SCAPER: variants seen among roughly 807,000 people sequenced by gnomAD.
SCAPER encodes S-phase cyclin A associated protein in the ER.
In SCAPER, 98 loss-of-function variants were observed where a neutral mutation model predicts 182.2. The observed-to-expected ratio is 0.54, with a 90% CI of 0.46 to 0.64. The LOEUF is 0.64. Ranked by LOEUF, SCAPER falls within the 30% of genes least tolerant of loss-of-function variation. The pLI is 0.00. For synonymous variants in SCAPER, 605 were observed against 564.6 expected (o/e 1.07, Z -1.01); for missense variants, 1,432 against 1,690.0 (o/e 0.85, Z 2.68).
chr15:76,526,949 G>A (rs1211440596), intron 23 of SCAPER, among the ~76,000 whole-genome samples: 1 of 151,686 alleles, frequency 6.6e-6, no homozygotes, highest in Non-Finnish European at 1.5e-5. Flanking sequence ...TTGGCTCACT[G>A]CAACCTCTAC....
Position 76,652,518 on chromosome 15 carries a change from T to TACACACACAC in SCAPER, c.2645+13125_2645+13134dup, listed in dbSNP as rs71143350. Among the ~76,000 whole-genome samples the TACACACACAC allele has an allele frequency of 3.6e-3, 317 of 88,906 alleles. 1 individual carries two copies. Among genetic ancestry groups the TACACACACAC allele is most frequent in the Middle Eastern group, 0.032 (5 of 156 alleles). 58.3% of individuals were successfully genotyped at this position (88,906 alleles called of 152,430 possible). On this transcript the variant is annotated intron_variant, in intron 21 of 31. Coordinates refer to ENST00000563290, the MANE Select transcript of SCAPER (RefSeq NM_020843.4). ...ATATATATATATATATTTACATACA[T>TACACACACAC]ACACACACACACACACACACACACA...
chr15:76,409,035 A>G (rs1318613310), intron 26 of SCAPER, among the ~76,000 whole-genome samples: 1 of 152,168 alleles, frequency 6.6e-6, no homozygotes, highest in Non-Finnish European at 1.5e-5. Context: ...TTACTGGGCC[A>G]TCTACAGTGC....
intron 21 of SCAPER, among the ~76,000 whole-genome samples, chr15:76,663,690 C>T (rs2056362143): frequency 1.3e-5 from 2 of 151,896 alleles, no homozygotes; most frequent in Admixed American, 1.3e-4. Flanking sequence ...CCAGCGGTTG[C>T]CTCAGGCCAG....
Position 76,351,252 on chromosome 15 carries a change from G to A in SCAPER, c.4084C>T (p.Pro1362Ser), listed in dbSNP as rs1460910968. ...AQTPGQAENQ[P>S]YQPKGKCLGS... ...AGAGACATACCTTTGGGTTGGTAAG[G>A]CTGGTTTTCCGCTTGACCTGGAGTC... Residue 1362 changes from proline (P) to serine (S), a missense_variant, in exon 31 of 32, where the codon CCT becomes TCT. Coordinates refer to ENST00000563290, the MANE Select transcript of SCAPER (RefSeq NM_020843.4). 1 of 1,610,328 alleles carries A rather than the reference G, an allele frequency of 6.2e-7. No individual in the cohort carries two copies. The highest frequency in any genetic ancestry group is 8.5e-7 in the Non-Finnish European group (1 of 1,178,202).
intron 23 of SCAPER, among the ~76,000 whole-genome samples, chr15:76,545,561 C>T (rs376332873): frequency 3.0e-4 from 46 of 152,038 alleles, no homozygotes; most frequent in African/African-American, 2.7e-4. Flanking sequence ...ATGTCAATAA[C>T]GAGAACCCTG....
At chr15:76,833,182 G>T (rs137886254) in intron 5 of SCAPER, among the ~76,000 whole-genome samples, 136 of 152,288 alleles carry the variant, frequency 8.9e-4, no homozygotes, top group Admixed American at 2.7e-3. Context: ...AGACCTTTCA[G>T]CAGAAACCCT....
At chr15:76,476,655 C>A (rs556689446) in intron 24 of SCAPER, among the ~76,000 whole-genome samples, 10 of 121,706 alleles carry the variant, frequency 8.2e-5, no homozygotes, top group African/African-American at 3.1e-4. Flanking sequence ...GTTGCCCAGG[C>A]TGGTCTTGAC....
At chr15:76,496,038 A>ACG (rs2040497973) in intron 24 of SCAPER, among the ~76,000 whole-genome samples, 1 of 150,500 alleles carries the variant, frequency 6.6e-6, no homozygotes, top group African/African-American at 2.4e-5. Flanking sequence ...ACACACACAC[A>ACG]CAGAATGAGA....
Position 76,857,892 on chromosome 15 carries a change from A to G in SCAPER, c.125-13T>C, listed in dbSNP as rs770703274. On this transcript the variant is annotated splice_polypyrimidine_tract_variant and intron_variant, in intron 3 of 31. Transcript: ENST00000563290. ...CATTTAGGTTTTCCTTCAAGGCAAGAAAAAAATAAATATGTAGATATACAG... is the reference window on the plus strand; with the variant it reads ...CATTTAGGTTTTCCTTCAAGGCAAGGAAAAAATAAATATGTAGATATACAG... 21 of 1,523,038 alleles carry G rather than the reference A, an allele frequency of 1.4e-5. No homozygotes were observed. Among genetic ancestry groups the G allele is most frequent in the Non-Finnish European group, 1.6e-5 (18 of 1,124,044 alleles). 94.3% of individuals were successfully genotyped at this position (1,523,038 alleles called of 1,614,324 possible). A position where few individuals can be genotyped will look rare whatever the true frequency, so the allele number is the denominator to read the frequency against.
chr15:76,438,797 T>C (rs1408467037), intron 25 of SCAPER, among the ~76,000 whole-genome samples: 1 of 152,196 alleles, frequency 6.6e-6, no homozygotes, highest in African/African-American at 2.4e-5. Context: ...CCGAAGCAAA[T>C]TTTTTTCATA....
chr15:76,483,659 C>CA (rs1271417903), intron 24 of SCAPER, among the ~76,000 whole-genome samples: 1 of 151,896 alleles, frequency 6.6e-6, no homozygotes, highest in African/African-American at 2.4e-5. Flanking sequence ...AATACGAAGA[C>CA]AAAAAATCTA....
At chr15:76,714,041 C>A (rs983676768) in intron 17 of SCAPER, among the ~76,000 whole-genome samples, 1 of 152,026 alleles carries the variant, frequency 6.6e-6, no homozygotes, top group Non-Finnish European at 1.5e-5. Flanking sequence ...ACAAATACTA[C>A]TCAGCAATTT....
intron 26 of SCAPER, among the ~76,000 whole-genome samples, chr15:76,433,763 G>T (rs1359548816): frequency 6.6e-6 from 1 of 152,116 alleles, no homozygotes; most frequent in Non-Finnish European, 1.5e-5. Flanking sequence ...TTTCCAAATT[G>T]TGTTTATCAT....
intron 8 of SCAPER, among the ~76,000 whole-genome samples, chr15:76,778,167 A>G (rs897730540): frequency 3.3e-5 from 5 of 152,176 alleles, no homozygotes; most frequent in Non-Finnish European, 4.4e-5. Context: ...CCTTCTCATG[A>G]ATTTTCTGAA....
intron 21 of SCAPER, among the ~76,000 whole-genome samples, chr15:76,633,821 A>G (rs971229689): frequency 1.3e-5 from 2 of 152,142 alleles, no homozygotes; most frequent in African/African-American, 4.8e-5. Context: ...GATGGTGGTC[A>G]CCCCTCTCCG....
chr15:76,657,917 A>C (rs994718608), intron 21 of SCAPER, among the ~76,000 whole-genome samples: 25 of 152,200 alleles, frequency 1.6e-4, no homozygotes, highest in African/African-American at 6.0e-4. Flanking sequence ...AATATGCCTC[A>C]AAATAATTAG....
chr15:76,399,710 T>C (rs1034163006), intron 27 of SCAPER, among the ~76,000 whole-genome samples: 3 of 152,080 alleles, frequency 2.0e-5, no homozygotes, highest in Non-Finnish European at 4.4e-5. Context: ...TCGGAAAACC[T>C]AGGTAAAAAT....
At chr15:76,679,209 CTG>C (rs1425501267) in intron 20 of SCAPER, among the ~76,000 whole-genome samples, 2 of 152,102 alleles carry the variant, frequency 1.3e-5, no homozygotes, top group Admixed American at 6.6e-5. Context: ...ATTCAAGAAA[CTG>C]TGAAATTTGT....
At chr15:76,855,790 G>A (rs2071304633) in intron 4 of SCAPER, 4 of 369,056 alleles carry the variant, frequency 1.1e-5, no homozygotes, top group African/African-American at 2.1e-5. Flanking sequence ...GCAAGGTTGT[G>A]GAGATAAGAG....
Sources: allele counts gnomAD v4.1 joint callset (sites outside exome capture counted in the v4.1 genomes callset), GRCh38; gene constraint gnomAD v4.1.1; transcripts MANE v1.5; gene names NCBI Gene and HGNC (gene_info 2026-07-23, HGNC 2026-07-21).